The following NOS2 variants were observed in gnomAD, a reference collection of about 807,000 sequenced individuals.
The protein encoded by NOS2 is nitric oxide synthase 2.
In NOS2, 96 loss-of-function variants were observed where a neutral mutation model predicts 136.0. The ratio of observed to expected loss-of-function variants is 0.71; its 90% CI spans 0.60 to 0.84. The LOEUF (loss-of-function observed/expected upper bound fraction) is 0.84, where lower values mean the gene tolerates loss of function less well. NOS2 is among the 40% of genes least tolerant of loss of function. NOS2 has a pLI of 0.00. For synonymous variants in NOS2, 539 were observed against 587.5 expected (o/e 0.92, Z 1.20); for missense variants, 1,237 against 1,496.9 (o/e 0.83, Z 2.87).
intron 2 of NOS2, among the ~76,000 whole-genome samples, chr17:27,796,685 G>A (rs1909365493): frequency 6.6e-6 from 1 of 152,108 alleles, no homozygotes; most frequent in South Asian, 2.1e-4. Context: ...TAGAATAGGG[G>A]CGTGACTTGC....
chr17:27,760,083 C>A lies in NOS2; in HGVS notation c.3106G>T (p.Gly1036Trp), dbSNP rs755714280. Residue 1036 changes from glycine to tryptophan, a missense_variant, in exon 25 of 27, where the codon GGG becomes TGG. Physicochemically the swap from Gly to Trp is radical, Grantham distance 184. Coordinates refer to ENST00000313735, the MANE Select transcript of NOS2 (RefSeq NM_000625.4). ...GCTGTGTGCACCGCATGCAGCACCC[C>A]CTTCTGGGCCATCTCCAGCATCTCC... Reference protein sequence around the residue: ...QEEMLEMAQKGVLHAVHTAYS... With the variant: ...QEEMLEMAQKWVLHAVHTAYS... 13 of 1,602,774 alleles carry A rather than the reference C, an allele frequency of 8.1e-6. No homozygotes were observed. Among genetic ancestry groups the A allele is most frequent in the South Asian group, 2.2e-5 (2 of 89,768 alleles).
chr17:27,782,178 A>C, intron 6 of NOS2, 72 bp from the exon 7 acceptor site: 1 of 1,353,598 alleles, frequency 7.4e-7, no homozygotes. Flanking sequence ...ATCAGAAGTC[A>C]CTGGGAATCA....
Position 27,770,712 on chromosome 17 carries a change from A to G in NOS2, c.1809+201T>C, listed in dbSNP as rs143578918. Among the ~76,000 whole-genome samples the G allele has an allele frequency of 2.4e-3, 359 of 152,352 alleles. 1 individual carries two copies. The highest frequency in any genetic ancestry group is 8.2e-3 in the African/African-American group (341 of 41,574). ...ACAGGTAGGCCATTCACAGAAATATATTAAATATGTCATAGGAAAGGTGGC... is the reference window on the plus strand; with the variant it reads ...ACAGGTAGGCCATTCACAGAAATATGTTAAATATGTCATAGGAAAGGTGGC... On this transcript the variant is annotated intron_variant, in intron 15 of 26. Transcript: ENST00000313735.
chr17:27,775,156 G>A (rs940197845), intron 11 of NOS2, among the ~76,000 whole-genome samples: 47 of 152,222 alleles, frequency 3.1e-4, no homozygotes, highest in African/African-American at 1.1e-3. Context: ...TGTGAAATGG[G>A]AGTGATATGA....
intron 11 of NOS2, among the ~76,000 whole-genome samples, chr17:27,777,453 T>C (rs977884803): frequency 2.0e-5 from 3 of 152,144 alleles, no homozygotes; most frequent in Admixed American, 2.0e-4. Context: ...GCCCAGCGGC[T>C]GTGTGTGGGC....
chr17:27,772,525 A>G, intron 13 of NOS2, 73 bp from the exon 14 acceptor site: 1 of 1,564,158 alleles, frequency 6.4e-7, no homozygotes, highest in Non-Finnish European at 8.8e-7. Context: ...GGACCAGGGG[A>G]ATGGGAGGGG....
chr17:27,794,026 A>G (rs1274248397), intron 2 of NOS2, among the ~76,000 whole-genome samples: 1 of 152,142 alleles, frequency 6.6e-6, no homozygotes, highest in African/African-American at 2.4e-5. Context: ...GATAATTACC[A>G]CCATTGCGCG....
chr17:27,781,137 G>A lies in NOS2; in HGVS notation c.763C>T (p.His255Tyr), dbSNP rs1908833288. The A allele has an allele frequency of 6.2e-7, 1 of 1,611,854 alleles. No homozygotes were observed. Among genetic ancestry groups the A allele is most frequent in the Admixed American group, 1.7e-5 (1 of 60,000 alleles). ...TGAGCATTCCACACCCGGAAGTCGT[G>A]CTTGCCATCACTCCGCTGGGGGAAC... ...TVFPQRSDGKHDFRVWNAQLI... is the reference protein window; with the variant it reads ...TVFPQRSDGKYDFRVWNAQLI... The change falls in exon 8 of 27, where the codon CAC becomes TAC. Residue 255 changes from histidine (H) to tyrosine (Y), a missense_variant. By Grantham distance (83) the His-to-Tyr change is moderately conservative. Around this residue, in one of 3 missense-constraint regions of NOS2, gnomAD observed 440 missense variants for 545.4 expected, o/e 0.81. Coordinates refer to ENST00000313735, the MANE Select transcript of NOS2 (RefSeq NM_000625.4).
intron 12 of NOS2, 47 bp from the exon 13 acceptor site, chr17:27,773,290 G>A (rs1361034421): frequency 1.4e-6 from 2 of 1,414,814 alleles, no homozygotes; most frequent in Admixed American, 1.7e-5. Context: ...GTCCTGGCTT[G>A]GCTCAGCTCG....
In NOS2 at chr17:27,778,783, G is replaced by A. The variant is rs1342221032; in HGVS notation, c.1188C>T (p.Gly396=). ...VQRYNILEEV[G]RRMGLETHKL... is the part of the protein sequence containing the mutation. ...TGTGCGTTTCCAGGCCCATTCTCCTGCCCACTTCCTACAGAGGCAGAGTGA... is the reference window on the plus strand; with the variant it reads ...TGTGCGTTTCCAGGCCCATTCTCCTACCCACTTCCTACAGAGGCAGAGTGA... The change falls in exon 11 of 27, where the codon GGC becomes GGT. Residue 396 remains glycine, a synonymous_variant. Coordinates refer to ENST00000313735, the MANE Select transcript of NOS2 (RefSeq NM_000625.4). 2 of 1,613,974 alleles carry A rather than the reference G, an allele frequency of 1.2e-6. No individual in the cohort carries two copies. The highest frequency in any genetic ancestry group is 2.7e-5 in the African/African-American group (2 of 74,886).
rs768542830 is a variant in NOS2 at position 27,787,660 on chromosome 17, G to A, written c.467+18C>T. On this transcript the variant is annotated intron_variant, in intron 5 of 26. Coordinates refer to ENST00000313735, the MANE Select transcript of NOS2 (RefSeq NM_000625.4). ...AGGAAGGGCAGGAGGCAGCGACCCT[G>A]CAGGAGGCAAGCCTTACTCTTTGAA... 2.7e-5 allele frequency: 43 copies of A among 1,602,620 alleles called. No individual in the cohort carries two copies. Among genetic ancestry groups the A allele is most frequent in the Admixed American group, 6.7e-5 (4 of 59,264 alleles).
rs1865838106 is a variant in NOS2, at chr17:27,798,733, T to C, written c.77A>G (p.Asn26Ser). ...YAMNGEKDIN[N>S]NVEKAPCATS... The stretch of plus-strand genomic sequence containing the variant: ...GGCACAGGGGGCTTTCTCCACATTG[T>C]TGTTGATGTCTTTTTCCCCATTCAT... Residue 26 changes from asparagine to serine, a missense_variant, in exon 2 of 27, where the codon AAC becomes AGC. Physicochemically the swap from Asn to Ser is conservative, Grantham distance 46 (BLOSUM62 1). Around this residue, in one of 3 missense-constraint regions of NOS2, gnomAD observed 440 missense variants for 545.4 expected, o/e 0.81. Coordinates refer to ENST00000313735, the MANE Select transcript of NOS2 (RefSeq NM_000625.4). The C allele has an allele frequency of 6.2e-7, 1 of 1,613,942 alleles. No homozygotes were observed. The highest frequency in any genetic ancestry group is 8.5e-7 in the Non-Finnish European group (1 of 1,179,806).
intron 2 of NOS2, among the ~76,000 whole-genome samples, chr17:27,794,712 GCGCACA>G (rs1909298080): frequency 8.1e-6 from 1 of 123,824 alleles, no homozygotes; most frequent in Non-Finnish European, 1.6e-5. Context: ...ACACACACAC[GCGCACA>G]CACACACACA....
Position 27,770,956 on chromosome 17 carries a change from A to G in NOS2, c.1766T>C (p.Val589Ala). 1 of 1,614,072 alleles carries G rather than the reference A, an allele frequency of 6.2e-7. No homozygotes were observed. Among genetic ancestry groups the G allele is most frequent in the Middle Eastern group, 1.6e-4 (1 of 6,062 alleles). The stretch of plus-strand genomic sequence containing the variant: ...GTCTCCATTGCCAAACGTACTGGTC[A>G]CCACCAACAGCAGCCGTTCCTCCTC... ...CLEEERLLLV[V>A]TSTFGNGDCP... The change falls in exon 15 of 27, where the codon GTG becomes GCG. Residue 589 changes from valine to alanine, a missense_variant. Physicochemically the swap from Val to Ala is moderately conservative, Grantham distance 64 (BLOSUM62 0). Coordinates refer to ENST00000313735, the MANE Select transcript of NOS2 (RefSeq NM_000625.4).
At chr17:27,788,514 G>A (rs1397868948) in intron 4 of NOS2, among the ~76,000 whole-genome samples, 1 of 152,192 alleles carries the variant, frequency 6.6e-6, no homozygotes, top group Non-Finnish European at 1.5e-5. Flanking sequence ...GAGCAGTTCT[G>A]TTAGAAAATT....
In NOS2 at chr17:27,778,760, T is replaced by C. The variant is rs1908742490; in HGVS notation, c.1211A>G (p.His404Arg). Residue 404 changes from histidine to arginine, a missense_variant, in exon 11 of 27, where the codon CAC becomes CGC. Physicochemically the swap from His to Arg is conservative, Grantham distance 29. Around this residue, in one of 3 missense-constraint regions of NOS2, gnomAD observed 440 missense variants for 545.4 expected, o/e 0.81. Transcript: ENST00000313735. ...GTCTTTCCAGAGCGAGGCCAGCTTG[T>C]GCGTTTCCAGGCCCATTCTCCTGCC... ...EVGRRMGLET[H>R]KLASLWKDQA... is the part of the protein sequence containing the mutation. 1.9e-6 allele frequency: 3 copies of C among 1,614,158 alleles called. No individual in the cohort carries two copies. Among genetic ancestry groups the C allele is most frequent in the Middle Eastern group, 1.6e-4 (1 of 6,062 alleles).
intron 14 of NOS2, among the ~76,000 whole-genome samples, chr17:27,771,588 G>A (rs552610450): frequency 2.7e-4 from 41 of 152,364 alleles, no homozygotes; most frequent in African/African-American, 9.9e-4. Flanking sequence ...CCTCTACGTG[G>A]CACAGACCAC....
chr17:27,799,533 T>A (rs1347462285), intron 1 of NOS2, among the ~76,000 whole-genome samples: 2 of 152,136 alleles, frequency 1.3e-5, no homozygotes, highest in African/African-American at 4.8e-5. Flanking sequence ...GAAGACAGTG[T>A]AGTGAATATA....
chr17:27,767,658 C>G (rs752989758), intron 18 of NOS2, 47 bp downstream of exon 18: 1 of 1,602,140 alleles, frequency 6.2e-7, no homozygotes. Context: ...GCTTAGGGCT[C>G]AGACCCCAAC....
Sources: gnomAD v4.1 joint callset for allele counts (sites outside exome capture counted in the v4.1 genomes callset) on GRCh38, gnomAD v4.1.1 for gene constraint, gnomAD v4.1.1 regional missense constraint, MANE v1.5 for transcripts, NCBI Gene and HGNC (gene_info 2026-07-23, HGNC 2026-07-21) for gene names.